DOCK1: variants seen among roughly 807,000 people sequenced by gnomAD.
DOCK1 encodes dedicator of cytokinesis 1.
In DOCK1, 138 loss-of-function variants were observed where a neutral mutation model predicts 262.7. The observed-to-expected ratio is 0.53, with a 90% confidence interval of 0.46 to 0.61. The LOEUF (loss-of-function observed/expected upper bound fraction) is 0.61. Among genes scored for constraint, DOCK1 ranks in the 20% least tolerant of loss-of-function variants. DOCK1 has a pLI of 0.00. For missense variants in DOCK1, 1,908 were observed against 2,370.7 expected, an observed-to-expected ratio of 0.80 and a Z score of 4.05; for synonymous variants, 866 against 867.4, an observed-to-expected ratio of 1.00 and a Z score of 0.03.
chr10:127,211,058 C>A (rs571293219), intron 27 of DOCK1, among the ~76,000 whole-genome samples: 2 of 152,088 alleles, frequency 1.3e-5, no homozygotes, highest in African/African-American at 2.4e-5. Flanking sequence ...ATGTACGTTA[C>A]GGTACTGTTA....
At chr10:127,009,883 C>T (rs1167201273) in intron 11 of DOCK1, among the ~76,000 whole-genome samples, 1 of 152,140 alleles carries the variant, frequency 6.6e-6, no homozygotes, top group Non-Finnish European at 1.5e-5. Context: ...CCCGACTCCT[C>T]TGGGTCTTGA....
intron 51 of DOCK1, among the ~76,000 whole-genome samples, chr10:127,449,982 A>G (rs2070849208): frequency 6.6e-6 from 1 of 152,176 alleles, no homozygotes; most frequent in Admixed American, 6.5e-5. Flanking sequence ...AGGCTGTGTT[A>G]GTGTGGTCCT....
At chr10:127,443,915 C>G (rs1369342765) in intron 49 of DOCK1, among the ~76,000 whole-genome samples, 1 of 152,044 alleles carries the variant, frequency 6.6e-6, no homozygotes, top group East Asian at 1.9e-4. Flanking sequence ...CCCCCGGTCC[C>G]CCATTCCTTT....
At chr10:127,024,983 G>A (rs1386233933) in intron 15 of DOCK1, 200 bp downstream of exon 15, 2 of 452,268 alleles carry the variant, frequency 4.4e-6, no homozygotes, top group African/African-American at 2.0e-5. Flanking sequence ...CCTTTTGGAC[G>A]TAAAAATAGG....
chr10:127,355,724 C>G, intron 32 of DOCK1, among the ~76,000 whole-genome samples: 1 of 152,206 alleles, frequency 6.6e-6, no homozygotes, highest in Non-Finnish European at 1.5e-5. Flanking sequence ...TCACTTGTTG[C>G]ACCAGGGTTG....
At chr10:127,131,177 A>G (rs2050303789) in intron 27 of DOCK1, among the ~76,000 whole-genome samples, 1 of 152,156 alleles carries the variant, frequency 6.6e-6, no homozygotes, top group Admixed American at 6.5e-5. Flanking sequence ...GGTCTTATCC[A>G]GAGCCACATT....
chr10:127,050,423 T>G (rs1168767660), intron 21 of DOCK1, among the ~76,000 whole-genome samples: 1 of 151,984 alleles, frequency 6.6e-6, no homozygotes, highest in Non-Finnish European at 1.5e-5. Context: ...TAAAAAATTT[T>G]TATGCCCTGC....
At chr10:127,370,019 T>C (rs2065123386) in intron 33 of DOCK1, among the ~76,000 whole-genome samples, 1 of 152,084 alleles carries the variant, frequency 6.6e-6, no homozygotes, top group Non-Finnish European at 1.5e-5. Flanking sequence ...TTCTTAACCA[T>C]GTTTTCCACC....
At chr10:126,925,978 C>T (rs535884015) in intron 1 of DOCK1, among the ~76,000 whole-genome samples, 1 of 152,122 alleles carries the variant, frequency 6.6e-6, no homozygotes, top group Admixed American at 6.5e-5. Context: ...AGGTGCCTAG[C>T]TGGGTGCAAA....
At position 127,071,570 on chromosome 10, in the gene DOCK1, G is replaced by A. The variant is rs769061016; in HGVS notation, c.2445+9794G>A. 2.6e-5 allele frequency among the ~76,000 whole-genome samples: 4 copies of A among 152,090 alleles called. No individual in the cohort carries two copies. In the South Asian group the frequency reaches 6.2e-4, roughly 24 times the overall value. ...CAAAATGTTTATGCTTGCAACCTGC[G>A]TAGTTTTTGGTTTACTGATTTTTTT... On this transcript the variant is annotated intron_variant, in intron 23 of 51. Transcript: ENST00000623213.
At chr10:127,343,549 A>G (rs1224147125) in intron 30 of DOCK1, 97 bp from the exon 31 acceptor site, 1 of 1,000,068 alleles carries the variant, frequency 1.0e-6, no homozygotes, top group Non-Finnish European at 1.5e-6. Context: ...ACTTTTCAGA[A>G]GTGTGTGCTG....
At chr10:127,359,629 G>A (rs1468699480) in intron 32 of DOCK1, among the ~76,000 whole-genome samples, 1 of 152,228 alleles carries the variant, frequency 6.6e-6, no homozygotes, top group Non-Finnish European at 1.5e-5. Context: ...GGAAAGTGGT[G>A]AGAATCACAC....
chr10:127,031,148 C>T (rs17771307), intron 16 of DOCK1, among the ~76,000 whole-genome samples: 6,969 of 152,250 alleles, frequency 0.046, 216 homozygotes, highest in Non-Finnish European at 0.068. Flanking sequence ...TGTATTGACC[C>T]GCAGTTTCCT....
At chr10:127,299,826 A>G (rs2061623179) in intron 29 of DOCK1, among the ~76,000 whole-genome samples, 1 of 152,208 alleles carries the variant, frequency 6.6e-6, no homozygotes, top group Non-Finnish European at 1.5e-5. Context: ...GGTTAGTTCA[A>G]CCAAGCTGTT....
At chr10:127,097,807 A>G (rs1217835190) in intron 23 of DOCK1, among the ~76,000 whole-genome samples, 1 of 152,250 alleles carries the variant, frequency 6.6e-6, no homozygotes, top group Non-Finnish European at 1.5e-5. Context: ...ACAGGCGAAG[A>G]GTAAAGAAAG....
intron 27 of DOCK1, among the ~76,000 whole-genome samples, chr10:127,238,631 G>A (rs1015631429): frequency 2.6e-5 from 4 of 151,966 alleles, no homozygotes; most frequent in South Asian, 2.1e-4. Context: ...TGTTGTCATC[G>A]TTCATTTTGA....
chr10:127,195,375 C>T (rs1203465250), intron 27 of DOCK1, among the ~76,000 whole-genome samples: 1 of 152,188 alleles, frequency 6.6e-6, no homozygotes, highest in Admixed American at 6.5e-5. Flanking sequence ...CACCGGGAAG[C>T]CCCGCGGCGC....
chr10:127,387,135 G>C (rs140960299), intron 38 of DOCK1, among the ~76,000 whole-genome samples: 2 of 152,346 alleles, frequency 1.3e-5, no homozygotes, highest in East Asian at 3.9e-4. Flanking sequence ...GTTGATGGCT[G>C]TTGCCGGGCT....
intron 43 of DOCK1, among the ~76,000 whole-genome samples, chr10:127,411,638 C>T (rs918903017): frequency 6.6e-6 from 1 of 151,994 alleles, no homozygotes; most frequent in East Asian, 1.9e-4. Flanking sequence ...TTCAGGAGTT[C>T]GAGACCAGCC....
Sources: allele counts gnomAD v4.1 joint callset (sites outside exome capture counted in the v4.1 genomes callset), GRCh38; gene constraint gnomAD v4.1.1; transcripts MANE v1.5; gene names NCBI Gene and HGNC (gene_info 2026-07-23, HGNC 2026-07-21).